RAB37: variants seen among roughly 807,000 people sequenced by gnomAD.
RAB37 encodes ras-related protein Rab-37.
In RAB37, 29 loss-of-function variants were observed where a neutral mutation model predicts 33.1. The observed-to-expected ratio is 0.88, with a 90% CI of 0.65 to 1.20. The LOEUF (loss-of-function observed/expected upper bound fraction) is 1.20. RAB37 is among the 50% of genes most tolerant of loss of function. The pLI, the probability that RAB37 is intolerant of heterozygous loss-of-function variation, is 0.00. For synonymous variants in RAB37, 128 were observed against 119.5 expected (o/e 1.07, Z -0.47); for missense variants, 299 against 301.1 (o/e 0.99, Z 0.05).
chr17:74,715,979 G>A (rs1286801773), intron 1 of RAB37, among the ~76,000 whole-genome samples: 13 of 152,150 alleles, frequency 8.5e-5, no homozygotes, highest in Admixed American at 2.0e-4. Context: ...GCAGTAAGCC[G>A]AGGTCACAAC....
chr17:74,736,731 G>A (rs1248475645), upstream of RAB37: 7 of 1,535,638 alleles, frequency 4.6e-6, no homozygotes, highest in Admixed American at 2.0e-5. Flanking sequence ...TGTGCTGCAA[G>A]GCGAGTACGG....
intron 1 of RAB37, among the ~76,000 whole-genome samples, chr17:74,720,445 G>T (rs2034223944): frequency 6.6e-6 from 1 of 151,984 alleles, no homozygotes; most frequent in Non-Finnish European, 1.5e-5. Context: ...CCAAAATTTG[G>T]CAGGGTGTGG....
At chr17:74,743,546 A>C (rs573909492) in intron 5 of RAB37, among the ~76,000 whole-genome samples, 2 of 152,214 alleles carry the variant, frequency 1.3e-5, no homozygotes, top group African/African-American at 4.8e-5. Context: ...GGCTGTTGTG[A>C]CCCTGTGCCA....
chr17:74,729,217 T>A lies in RAB37; in HGVS notation c.73-39T>A, dbSNP rs1443115435. Reference sequence around the variant, plus strand: ...AGGACACCTCTGAGGCCAACTCACATCACAGGCCCTCAGCTCTCTCTCTAT... The same window carrying A: ...AGGACACCTCTGAGGCCAACTCACAACACAGGCCCTCAGCTCTCTCTCTAT... On this transcript the variant is annotated intron_variant, in intron 1 of 7. Transcript: ENST00000340415. This position sits in a 1 kb window ranked among gnomAD's most constrained non-coding sequence, Gnocchi z 4.2. The A allele has an allele frequency of 2.7e-6, 4 of 1,508,792 alleles. No individual in the cohort carries two copies. The Admixed American group carries it at 5.0e-5, about 19-fold the overall frequency. The allele number at this position is 1,508,792 out of a possible 1,614,324, so 93.5% of individuals were successfully genotyped here.
intron 1 of RAB37, among the ~76,000 whole-genome samples, chr17:74,684,519 G>A (rs186318701): frequency 6.5e-4 from 99 of 152,304 alleles, no homozygotes; most frequent in African/African-American, 2.2e-3. Context: ...TGCGCACGGT[G>A]GCTTACGCCT....
At chr17:74,701,786 G>T (rs1196858951) in intron 1 of RAB37, among the ~76,000 whole-genome samples, 3 of 149,606 alleles carry the variant, frequency 2.0e-5, no homozygotes, top group African/African-American at 4.9e-5. Flanking sequence ...GGAGGTGGAA[G>T]TTGCAGTGAG....
Position 74,729,448 on chromosome 17 carries a change from G to A in RAB37, c.183+82G>A, listed in dbSNP as rs1963520377. The A allele has an allele frequency of 1.1e-6, 1 of 910,950 alleles. No individual in the cohort carries two copies. The highest frequency in any genetic ancestry group is 1.9e-6 in the Non-Finnish European group (1 of 539,246). The allele number at this position is 910,950 out of a possible 1,614,324, so 56.4% of individuals were successfully genotyped here. The stretch of plus-strand genomic sequence containing the variant: ...TCTGTTGAGTGCCAGCAGGAAACAG[G>A]TGGACACTCGCATTGGATCATTCAA... On this transcript the variant is annotated intron_variant, in intron 2 of 7. Coordinates refer to the RAB37 transcript ENST00000340415. The surrounding 1 kb of genome is among the most constrained non-coding windows in gnomAD (Gnocchi z 4.2).
chr17:74,690,469 T>C (rs2032138608), intron 1 of RAB37, among the ~76,000 whole-genome samples: 2 of 152,202 alleles, frequency 1.3e-5, no homozygotes, highest in South Asian at 4.1e-4. Context: ...AGATGGTTCC[T>C]CTTGCAATAA....
intron 1 of RAB37, among the ~76,000 whole-genome samples, chr17:74,702,055 T>A (rs996076413): frequency 8.9e-5 from 13 of 146,334 alleles, no homozygotes; most frequent in East Asian, 3.9e-4. Flanking sequence ...AAGTTTAATT[T>A]AAAAAAAAAA....
intron 1 of RAB37, among the ~76,000 whole-genome samples, chr17:74,687,106 TC>T: frequency 6.6e-6 from 1 of 152,216 alleles, no homozygotes. Context: ...GGACAGTCTT[TC>T]CCCTCCCTTA....
At chr17:74,672,548 C>T (rs760445323) in intron 1 of RAB37, among the ~76,000 whole-genome samples, 3 of 152,158 alleles carry the variant, frequency 2.0e-5, no homozygotes, top group Non-Finnish European at 2.9e-5. Flanking sequence ...AATAACCTAA[C>T]CCAACCTCCT....
chr17:74,738,821 A>G lies in RAB37; in HGVS notation c.93+1456A>G, dbSNP rs569672714. ...GCCTGGCAGGAGCTCCTTGGACCAGACTAGGGGTGATGTGGCCCACAGGCA... is the reference window on the plus strand; with the variant it reads ...GCCTGGCAGGAGCTCCTTGGACCAGGCTAGGGGTGATGTGGCCCACAGGCA... On this transcript the variant is annotated intron_variant, in intron 1 of 8. Coordinates refer to ENST00000392613, the MANE Select transcript of RAB37 (RefSeq NM_001006638.3). This position sits in a 1 kb window ranked among gnomAD's most constrained non-coding sequence, Gnocchi z 5.0. Among the ~76,000 whole-genome samples the G allele has an allele frequency of 2.6e-5, 4 of 152,286 alleles. No individual in the cohort carries two copies. The highest frequency in any genetic ancestry group is 9.6e-5 in the African/African-American group (4 of 41,568).
At position 74,745,724 on chromosome 17, in the gene RAB37, G is replaced by A. The variant is rs149201208; in HGVS notation, c.*313G>A. On this transcript the variant is annotated 3_prime_UTR_variant, in exon 9 of 9. Coordinates refer to ENST00000392613, the MANE Select transcript of RAB37 (RefSeq NM_001006638.3). The surrounding 1 kb of genome is among the most constrained non-coding windows in gnomAD (Gnocchi z 4.5). ...TTTGCTTTCTAGGACTTGGGGGGCC[G>A]GCCCTCCCTCCTAAGCATAACAAAG... 9,947 of 297,070 alleles carry A rather than the reference G, an allele frequency of 0.033. 319 individuals carry two copies. The highest frequency in any genetic ancestry group is 0.11 in the Admixed American group (2,274 of 20,638). The allele number at this position is 297,070 out of a possible 1,614,324, so 18.4% of individuals were successfully genotyped here. A position where few individuals can be genotyped will look rare whatever the true frequency, so the allele number is the denominator to read the frequency against.
Position 74,681,604 on chromosome 17 carries a change from G to A in RAB37, c.72+9946G>A, listed in dbSNP as rs573090303. Among the ~76,000 whole-genome samples the A allele has an allele frequency of 1.3e-3, 195 of 152,316 alleles. 1 individual carries two copies. Among genetic ancestry groups the A allele is most frequent in the Admixed American group, 0.012 (182 of 15,308 alleles). ...CAGTGTGGCACACAAAGAGAGGCTT[G>A]GGAAAACAGAGGGGCACGCCACGTG... On this transcript the variant is annotated intron_variant, in intron 1 of 7. Coordinates refer to the RAB37 transcript ENST00000340415.
upstream of RAB37, among the ~76,000 whole-genome samples, chr17:74,733,687 C>T (rs1322132186): frequency 6.7e-6 from 1 of 150,098 alleles, no homozygotes; most frequent in Non-Finnish European, 1.5e-5. Context: ...TCAGAGTGAA[C>T]GTTAGGAGGC....
rs150988519 is a variant in RAB37 at position 74,729,367 on chromosome 17, G to A, written c.183+1G>A. ...GGCCACTGTGGGCATCGGATTCACG[G>A]TAAGCACTGGCCGGCACTGCCAGCT... On this transcript the variant is annotated splice_donor_variant, in intron 2 of 7. Coordinates refer to the RAB37 transcript ENST00000340415. LOFTEE classifies it high-confidence loss of function. The surrounding 1 kb of genome is among the most constrained non-coding windows in gnomAD (Gnocchi z 4.2). 2.5e-6 allele frequency: 4 copies of A among 1,610,510 alleles called. No individual in the cohort carries two copies. Among genetic ancestry groups the A allele is most frequent in the South Asian group, 2.2e-5 (2 of 91,030 alleles).
intron 1 of RAB37, 32 bp from the exon 2 acceptor site, chr17:74,740,735 TC>T: frequency 7.0e-7 from 1 of 1,436,152 alleles, no homozygotes. Context: ...TGCCCCTGAC[TC>T]CCCATTAACT....
At chr17:74,702,066 C>A (rs955380466) in intron 1 of RAB37, among the ~76,000 whole-genome samples, 3 of 149,606 alleles carry the variant, frequency 2.0e-5, no homozygotes, top group South Asian at 2.2e-4. Flanking sequence ...AAAAAAAAAA[C>A]AGAAGGCAAA....
chr17:74,713,005 A>G lies in RAB37; in HGVS notation c.73-16251A>G, dbSNP rs955174979. On this transcript the variant is annotated intron_variant, in intron 1 of 7. Transcript: ENST00000340415. ...TCACTTCCCATGGGTGAAAGAGACT[A>G]AAAGAGGAAGGAGGTGGTTGGTTGG... is the stretch of plus-strand genomic sequence containing the variant. 7.9e-6 allele frequency: 7 copies of G among 886,954 alleles called. 1 individual carries two copies. The highest frequency in any genetic ancestry group is 3.2e-5 in the South Asian group (2 of 61,652). The allele number at this position is 886,954 out of a possible 1,614,324, so 54.9% of individuals were successfully genotyped here.
Sources: allele counts gnomAD v4.1 joint callset (sites outside exome capture counted in the v4.1 genomes callset), GRCh38; gene constraint gnomAD v4.1.1; non-coding constraint Gnocchi (gnomAD v3.1); transcripts MANE v1.5; gene names NCBI Gene and HGNC (gene_info 2026-07-23, HGNC 2026-07-21).